FBXO34: variants seen among roughly 807,000 people sequenced by gnomAD.
The protein encoded by FBXO34 is F-box only protein 34.
Under a neutral mutation model 24.5 loss-of-function variants are expected in FBXO34, and 12 were observed. That is an observed-to-expected ratio of 0.49 (90% CI 0.31 to 0.79). The LOEUF (loss-of-function observed/expected upper bound fraction) is 0.79. Ranked by LOEUF, FBXO34 falls within the 30% of genes least tolerant of loss-of-function variation. The pLI is 0.04. For synonymous variants in FBXO34, 320 were observed against 311.9 expected, an observed-to-expected ratio of 1.03 and a Z score of -0.27; for missense variants, 823 against 857.7, an observed-to-expected ratio of 0.96 and a Z score of 0.51.
At position 55,310,555 on chromosome 14, in the gene FBXO34, A is replaced by G. The variant is rs150502918; in HGVS notation, c.-11+39018A>G. Among the ~76,000 whole-genome samples, 595 of 152,296 alleles carry G rather than the reference A, an allele frequency of 3.9e-3. 5 individuals carry two copies. Among genetic ancestry groups the G allele is most frequent in the African/African-American group, 0.014 (577 of 41,566 alleles). ...AGAAATGTAGACTATGCCTTCAGGT[A>G]TGTCTGTCCTACCTCAATTTTAAGT... On this transcript the variant is annotated intron_variant, in intron 1 of 1. Coordinates refer to ENST00000313833, the MANE Select transcript of FBXO34 (RefSeq NM_017943.4).
At chr14:55,378,171 T>G in the FBXO34 span, 1 of 976,960 alleles carries the variant, frequency 1.0e-6, no homozygotes, top group East Asian at 2.6e-5. Flanking sequence ...ACACATACTC[T>G]GTGCCCTTTT....
the FBXO34 span, among the ~76,000 whole-genome samples, chr14:55,383,226 C>T: frequency 6.6e-6 from 1 of 151,728 alleles, no homozygotes; most frequent in Non-Finnish European, 1.5e-5. Context: ...TAACCGAGGA[C>T]TGAAAATATT....
At chr14:55,397,943 C>CTT in the FBXO34 span, among the ~76,000 whole-genome samples, 1,335 of 105,464 alleles carry the variant, frequency 0.013, 10 homozygotes, top group African/African-American at 0.017. Context: ...TGCAGTAATT[C>CTT]TTTTTTTTTT....
chr14:55,415,171 A>G, the FBXO34 span, among the ~76,000 whole-genome samples: 3 of 152,218 alleles, frequency 2.0e-5, no homozygotes, highest in African/African-American at 7.2e-5. Flanking sequence ...ATGTACTTGT[A>G]CTACTTATAT....
At chr14:55,407,242 C>T in the FBXO34 span, among the ~76,000 whole-genome samples, 1 of 152,214 alleles carries the variant, frequency 6.6e-6, no homozygotes, top group Non-Finnish European at 1.5e-5. Flanking sequence ...AAGTCTCCTG[C>T]CTCAGCCTCC....
chr14:55,309,374 T>C (rs1050110265), intron 1 of FBXO34, among the ~76,000 whole-genome samples: 5 of 152,204 alleles, frequency 3.3e-5, no homozygotes, highest in African/African-American at 1.2e-4. Context: ...GGGCTATGAT[T>C]GTGTCACCTT....
At chr14:55,327,529 A>T (rs532977997) in intron 1 of FBXO34, among the ~76,000 whole-genome samples, 1 of 152,180 alleles carries the variant, frequency 6.6e-6, no homozygotes, top group Non-Finnish European at 1.5e-5. Flanking sequence ...CAGGATTTGC[A>T]TATGTGGTTT....
At chr14:55,396,622 A>T in the FBXO34 span, among the ~76,000 whole-genome samples, 1 of 152,186 alleles carries the variant, frequency 6.6e-6, no homozygotes, top group Admixed American at 6.5e-5. Context: ...GATGCCACAA[A>T]AGAGACAACC....
At chr14:55,284,930 T>C (rs1392651619) in intron 1 of FBXO34, among the ~76,000 whole-genome samples, 1 of 150,238 alleles carries the variant, frequency 6.7e-6, no homozygotes, top group Non-Finnish European at 1.5e-5. Flanking sequence ...CCTTGGTTCT[T>C]ACTGCAGTTG....
intron 1 of FBXO34, among the ~76,000 whole-genome samples, chr14:55,311,913 A>G (rs913007747): frequency 6.6e-6 from 1 of 152,056 alleles, no homozygotes; most frequent in Admixed American, 6.6e-5. Context: ...TAAATCTTAA[A>G]GTTCTGGCCA....
At chr14:55,299,262 C>A in intron 1 of FBXO34, 1 of 795,810 alleles carries the variant, frequency 1.3e-6, no homozygotes, top group Non-Finnish European at 2.3e-6. Context: ...GAGAACTGGG[C>A]TGGGTCCAGC....
chr14:55,430,462 A>G, the FBXO34 span, among the ~76,000 whole-genome samples: 4 of 150,404 alleles, frequency 2.7e-5, no homozygotes, highest in South Asian at 8.4e-4. Context: ...GCTGGAGTGC[A>G]GTGGCATGAT....
chr14:55,365,404 T>C (rs574329356), downstream of FBXO34, among the ~76,000 whole-genome samples: 67 of 152,170 alleles, frequency 4.4e-4, no homozygotes, highest in African/African-American at 1.6e-3. Flanking sequence ...CACTGGAAAA[T>C]ACTCTTTGCA....
the FBXO34 span, among the ~76,000 whole-genome samples, chr14:55,381,048 G>A: frequency 4.0e-5 from 6 of 151,650 alleles, no homozygotes; most frequent in Admixed American, 1.3e-4. Context: ...ACAACCCTAC[G>A]GAAGAGTCAT....
At chr14:55,334,337 C>T (rs1883699188) in intron 1 of FBXO34, among the ~76,000 whole-genome samples, 1 of 152,178 alleles carries the variant, frequency 6.6e-6, no homozygotes, top group Admixed American at 6.5e-5. Context: ...GTTTGATGCA[C>T]ATTCACTCTA....
chr14:55,280,240 TTGAGA>T (rs1377060025), intron 1 of FBXO34, among the ~76,000 whole-genome samples: 1 of 152,148 alleles, frequency 6.6e-6, no homozygotes, highest in Non-Finnish European at 1.5e-5. Flanking sequence ...ACCAGAAAAG[TTGAGA>T]TAACTATGTA....
intron 1 of FBXO34, among the ~76,000 whole-genome samples, chr14:55,288,444 G>C (rs1412160299): frequency 6.6e-6 from 1 of 152,168 alleles, no homozygotes; most frequent in African/African-American, 2.4e-5. Flanking sequence ...AGTAGATTTT[G>C]AGTAACTCTT....
chr14:55,432,126 G>A, the FBXO34 span, among the ~76,000 whole-genome samples: 1 of 151,948 alleles, frequency 6.6e-6, no homozygotes, highest in African/African-American at 2.4e-5. Context: ...ACCCACCATA[G>A]GCCAGATGTA....
the FBXO34 span, among the ~76,000 whole-genome samples, chr14:55,424,597 T>C: frequency 6.6e-6 from 1 of 152,246 alleles, no homozygotes. Flanking sequence ...GAATACATAA[T>C]CATGTTTTTC....
Sources: allele counts gnomAD v4.1 joint callset (sites outside exome capture counted in the v4.1 genomes callset), GRCh38; gene constraint gnomAD v4.1.1; transcripts MANE v1.5; gene names NCBI Gene and HGNC (gene_info 2026-07-23, HGNC 2026-07-21).